The following LCN6 variants were observed in gnomAD, a reference collection of about 807,000 sequenced individuals.
The protein encoded by LCN6 is lipocalin 6.
In LCN6, 20 loss-of-function variants were observed where a neutral mutation model predicts 21.4. The ratio of observed to expected loss-of-function variants is 0.93; its 90% CI spans 0.66 to 1.36. The LOEUF is 1.36. Ranked by LOEUF, LCN6 falls within the 40% of genes most tolerant of loss-of-function variation. The pLI, the probability that LCN6 is intolerant of heterozygous loss-of-function variation, is 0.00. For missense variants in LCN6, 217 were observed against 206.6 expected (o/e 1.05, Z -0.31); for synonymous variants, 96 against 89.0 (o/e 1.08, Z -0.44).
At chr9:136,748,255 C>T (rs764809045) in intron 1 of LCN6, 139 bp downstream of exon 1, 85 of 714,616 alleles carry the variant, frequency 1.2e-4, no homozygotes, top group Non-Finnish European at 1.8e-4. Flanking sequence ...GCCTGTGGGA[C>T]TCCCCAAGGG....
In LCN6 at chr9:136,747,498, G is replaced by C; in HGVS notation, c.156C>G (p.Asp52Glu). 6.2e-7 allele frequency: 1 copy of C among 1,613,656 alleles called. No homozygotes were observed. Among genetic ancestry groups the C allele is most frequent in the Non-Finnish European group, 8.5e-7 (1 of 1,179,888 alleles). ...SREKGFAMEK[D>E]MKNVVGVVVT... is the part of the protein sequence containing the mutation. ...CCACCACCCCCACGACGTTCTTCATGTCCTTCTCCATGGCAAAGCCCTTTT... is the reference window on the plus strand; with the variant it reads ...CCACCACCCCCACGACGTTCTTCATCTCCTTCTCCATGGCAAAGCCCTTTT... The change falls in exon 2 of 7, where the codon GAC becomes GAG. Residue 52 changes from aspartate to glutamate, a missense_variant. Asp to Glu is a conservative substitution (Grantham distance 45, BLOSUM62 2). Transcript: ENST00000341206.
In LCN6 at chr9:136,747,496, A is replaced by G. The variant is rs371987401; in HGVS notation, c.158T>C (p.Met53Thr). The change falls in exon 2 of 7, where the codon ATG becomes ACG. Residue 53 changes from methionine to threonine, a missense_variant. Transcript: ENST00000341206. ...CACCACCACCCCCACGACGTTCTTC[A>G]TGTCCTTCTCCATGGCAAAGCCCTT... ...REKGFAMEKDMKNVVGVVVTL... is the reference protein window; with the variant it reads ...REKGFAMEKDTKNVVGVVVTL... 1.9e-5 allele frequency: 30 copies of G among 1,613,670 alleles called. No individual in the cohort carries two copies. In the African/African-American group the frequency reaches 3.2e-4, roughly 17 times the overall value.
Position 136,745,865 on chromosome 9 carries a change from C to A in LCN6, c.280G>T (p.Gly94Ter). The A allele has an allele frequency of 1.2e-6, 2 of 1,613,800 alleles. No homozygotes were observed. Among genetic ancestry groups the A allele is most frequent in the Non-Finnish European group, 1.7e-6 (2 of 1,179,882 alleles). Residue 94 changes from glycine to a stop codon, truncating the protein, a stop_gained, in exon 3 of 7, where the codon GGA (glycine) becomes TGA (stop). Coordinates refer to ENST00000341206, the MANE Select transcript of LCN6 (RefSeq NM_198946.3). LOFTEE classifies it high-confidence loss of function. ...TCACAGGGATTCTCAAACACCCATCCGGAGTTTCGCTTTATCAGGTCCATG... is the reference window on the plus strand; with the variant it reads ...TCACAGGGATTCTCAAACACCCATCAGGAGTTTCGCTTTATCAGGTCCATG... ...SVMDLIKRNS[G>*]WVFENPSIGV...
At chr9:136,745,750 G>A (rs1376536667) in intron 3 of LCN6, 94 bp downstream of exon 3, 8 of 1,090,548 alleles carry the variant, frequency 7.3e-6, no homozygotes, top group Non-Finnish European at 9.9e-6. Flanking sequence ...CCTGGCTCTC[G>A]GGAGCGGAGT....
Position 136,745,168 on chromosome 9 carries a change from A to C in LCN6, c.412+2T>G. On this transcript the variant is annotated splice_donor_variant, in intron 4 of 6. Coordinates refer to ENST00000341206, the MANE Select transcript of LCN6 (RefSeq NM_198946.3). LOFTEE classifies it high-confidence loss of function. ...TACGTGGGCCCCGCACAGCACACTT[A>C]CTGTACAGCTCCACGGTGTTGAAGG... 1 of 1,590,844 alleles carries C rather than the reference A, an allele frequency of 6.3e-7. No individual in the cohort carries two copies. The highest frequency in any genetic ancestry group is 8.6e-7 in the Non-Finnish European group (1 of 1,159,458).
rs139368067 is a variant in LCN6 at position 136,748,319 on chromosome 9, C to T, written c.90+75G>A. ...GCTGGTCTGGGCTAGCCCTGGGGGGCCCAGAAGCTGTGTGGCCTTAAAGGA... is the reference window on the plus strand; with the variant it reads ...GCTGGTCTGGGCTAGCCCTGGGGGGTCCAGAAGCTGTGTGGCCTTAAAGGA... On this transcript the variant is annotated intron_variant, in intron 1 of 6. Coordinates refer to ENST00000341206, the MANE Select transcript of LCN6 (RefSeq NM_198946.3). 2.3e-3 allele frequency: 3,111 copies of T among 1,329,144 alleles called. 41 individuals carry two copies. The East Asian group carries it at 0.03, about 13-fold the overall frequency. 82.3% of individuals were successfully genotyped at this position (1,329,144 alleles called of 1,614,324 possible).
At position 136,745,871 on chromosome 9, in the gene LCN6, T is replaced by C; in HGVS notation, c.274A>G (p.Asn92Asp). The C allele has an allele frequency of 3.1e-6, 5 of 1,613,770 alleles. No homozygotes were observed. The South Asian group carries it at 5.5e-5, about 18-fold the overall frequency. Residue 92 changes from asparagine (N) to aspartate (D), a missense_variant, in exon 3 of 7, where the codon AAC (asparagine) becomes GAC (aspartate). Asn to Asp is a conservative substitution (Grantham distance 23). Coordinates refer to ENST00000341206, the MANE Select transcript of LCN6 (RefSeq NM_198946.3). ...GGATTCTCAAACACCCATCCGGAGT[T>C]TCGCTTTATCAGGTCCATGACACTC... ...DQSVMDLIKR[N>D]SGWVFENPSI... is the part of the protein sequence containing the mutation.
At chr9:136,745,396 C>T (rs1847023995) in intron 3 of LCN6, 116 bp from the exon 4 acceptor site, 6 of 704,534 alleles carry the variant, frequency 8.5e-6, no homozygotes, top group African/African-American at 1.8e-5. Flanking sequence ...AGCCCCCCTC[C>T]CCAGGAGACC....
At position 136,747,425 on chromosome 9, in the gene LCN6, C is replaced by T. The variant is rs142250381; in HGVS notation, c.229G>A (p.Gly77Arg). 2.6e-4 allele frequency: 412 copies of T among 1,612,674 alleles called. 2 individuals carry two copies. The highest frequency in any genetic ancestry group is 3.0e-4 in the Non-Finnish European group (357 of 1,179,706). The change falls in exon 2 of 7, where the codon GGG becomes AGG. Residue 77 changes from glycine (G) to arginine (R), a missense_variant and splice_region_variant. Gly to Arg is a moderately radical substitution (Grantham distance 125). Transcript: ENST00000341206. ...NNLRTLSSQH[G>R]LGGCDQSVMD... ...GCCTGGCAGGACCCGCCCACTCACC[C>T]GTGCTGAGAGGACAGCGTCCGCAGG...
chr9:136,745,499 G>A (rs994952914), intron 3 of LCN6: 10 of 597,434 alleles, frequency 1.7e-5, no homozygotes, highest in African/African-American at 7.5e-5. Flanking sequence ...CTGACGGACA[G>A]ACAGACAAGC....
In LCN6 at chr9:136,744,983, C is replaced by T. The variant is rs1035314863; in HGVS notation, c.412+187G>A. On this transcript the variant is annotated intron_variant, in intron 4 of 6. Transcript: ENST00000341206. This position sits in a 1 kb window ranked among gnomAD's most constrained non-coding sequence, Gnocchi z 4.2. ...CCCGAGCGGCCCACTCACCACACAGCTCCCCATGTGGCCCCAAGCGGCCCA... is the reference window on the plus strand; with the variant it reads ...CCCGAGCGGCCCACTCACCACACAGTTCCCCATGTGGCCCCAAGCGGCCCA... 2.6e-5 allele frequency among the ~76,000 whole-genome samples: 4 copies of T among 151,698 alleles called. No individual in the cohort carries two copies. Among genetic ancestry groups the T allele is most frequent in the Admixed American group, 6.6e-5 (1 of 15,230 alleles).
chr9:136,745,041 C>T (rs1312221361), intron 4 of LCN6, 129 bp downstream of exon 4: 18 of 854,562 alleles, frequency 2.1e-5, no homozygotes, highest in Middle Eastern at 2.5e-4. Context: ...GGCCCCCGAG[C>T]GGCCCACTCA....
In LCN6 at chr9:136,744,765, G is replaced by A. The variant is rs1220886745; in HGVS notation, c.413-24C>T. 1 of 1,577,394 alleles carries A rather than the reference G, an allele frequency of 6.3e-7. No individual in the cohort carries two copies. The highest frequency in any genetic ancestry group is 8.7e-7 in the Non-Finnish European group (1 of 1,152,780). ...ACCTGGGGGCACCAGGGCAGTGCAGGGGGAAGCAACCTCTGAGAGCTGGGG... is the reference window on the plus strand; with the variant it reads ...ACCTGGGGGCACCAGGGCAGTGCAGAGGGAAGCAACCTCTGAGAGCTGGGG... On this transcript the variant is annotated intron_variant, in intron 4 of 6. Coordinates refer to ENST00000341206, the MANE Select transcript of LCN6 (RefSeq NM_198946.3). The surrounding 1 kb of genome is among the most constrained non-coding windows in gnomAD (Gnocchi z 4.2).
Position 136,744,030 on chromosome 9 carries a change from C to G in LCN6, c.*161G>C, listed in dbSNP as rs906590980. 6.6e-6 allele frequency: 1 copy of G among 152,286 alleles called. No individual in the cohort carries two copies. The highest frequency in any genetic ancestry group is 6.5e-5 in the Admixed American group (1 of 15,282). The allele number at this position is 152,286 out of a possible 1,614,324, so 9.4% of individuals were successfully genotyped here. A position where few individuals can be genotyped will look rare whatever the true frequency, so the allele number is the denominator to read the frequency against. ...AAGCATCCTTGGTTTGCTGTGGAAT[C>G]GCTTTATTCTGAGCTGGTGCTGGGC... is the stretch of plus-strand genomic sequence containing the variant. On this transcript the variant is annotated 3_prime_UTR_variant, in exon 7 of 7. Transcript: ENST00000341206. This position sits in a 1 kb window ranked among gnomAD's most constrained non-coding sequence, Gnocchi z 4.2.
At chr9:136,745,114 C>T (rs1847019329) in intron 4 of LCN6, 56 bp downstream of exon 4, 3 of 175,564 alleles carry the variant, frequency 1.7e-5, no homozygotes, top group Non-Finnish European at 3.1e-5. Context: ...AACGTGGGCC[C>T]CGAGTGGCCC....
Position 136,744,524 on chromosome 9 carries a change from C to T in LCN6, c.*22+116G>A, listed in dbSNP as rs556007321. On this transcript the variant is annotated intron_variant, in intron 5 of 6. Transcript: ENST00000341206. The surrounding 1 kb of genome is among the most constrained non-coding windows in gnomAD (Gnocchi z 4.2). ...CTCAGCCTGCCTGACTCCTTCAGGG[C>T]GACTGAGTCAGGCAGAAGCCAGAAT... 24 of 656,304 alleles carry T rather than the reference C, an allele frequency of 3.7e-5. No homozygotes were observed. The highest frequency in any genetic ancestry group is 2.8e-4 in the South Asian group (14 of 50,328). The allele number at this position is 656,304 out of a possible 1,614,324, so 40.7% of individuals were successfully genotyped here. A position where few individuals can be genotyped will look rare whatever the true frequency, so the allele number is the denominator to read the frequency against.
At chr9:136,745,520 C>A (rs1195329528) in intron 3 of LCN6, 1 of 590,134 alleles carries the variant, frequency 1.7e-6, no homozygotes, top group Non-Finnish European at 3.0e-6. Flanking sequence ...ACTGCCCCAG[C>A]CTGTCCCAGG....
intron 3 of LCN6, 75 bp downstream of exon 3, chr9:136,745,769 C>T (rs1177881530): frequency 1.5e-5 from 20 of 1,347,930 alleles, no homozygotes; most frequent in South Asian, 4.7e-5. Flanking sequence ...GTCAGCCCTC[C>T]GTCCCTGCCC....
rs1425996701 is a variant in LCN6 at position 136,748,458 on chromosome 9, A to G, written c.26T>C (p.Phe9Ser). Residue 9 changes from phenylalanine (F) to serine (S), a missense_variant, in exon 1 of 7, where the codon TTT (phenylalanine) becomes TCT (serine). Coordinates refer to ENST00000341206, the MANE Select transcript of LCN6 (RefSeq NM_198946.3). MGGLLLAAFLALVSVPRAQ... is the reference protein window; with the variant it reads MGGLLLAASLALVSVPRAQ... ...CCTGGGCACCGAGACCAAAGCCAGAAAAGCAGCCAGCAGCAGGCCGCCCAT... is the reference window on the plus strand; with the variant it reads ...CCTGGGCACCGAGACCAAAGCCAGAGAAGCAGCCAGCAGCAGGCCGCCCAT... The G allele has an allele frequency of 6.2e-7, 1 of 1,613,222 alleles. No individual in the cohort carries two copies. The highest frequency in any genetic ancestry group is 1.7e-5 in the Admixed American group (1 of 60,006).
Sources: gnomAD v4.1 joint callset for allele counts (sites outside exome capture counted in the v4.1 genomes callset) on GRCh38, gnomAD v4.1.1 for gene constraint, Gnocchi (gnomAD v3.1) non-coding constraint, MANE v1.5 for transcripts, NCBI Gene and HGNC (gene_info 2026-07-23, HGNC 2026-07-21) for gene names.